BBS7: variants seen among roughly 807,000 people sequenced by gnomAD.
The protein encoded by BBS7 is Bardet-Biedl syndrome 7.
BBS7 carries 50 observed loss-of-function variants against 90.3 expected under a neutral mutation model. The observed-to-expected ratio is 0.55, with a 90% CI of 0.44 to 0.70. BBS7 has a LOEUF of 0.70. Among genes scored for constraint, BBS7 ranks in the 30% least tolerant of loss-of-function variants. The pLI, the probability that BBS7 is intolerant of heterozygous loss-of-function variation, is 0.00. For missense variants in BBS7, 729 were observed against 838.9 expected (o/e 0.87, Z 1.62); for synonymous variants, 235 against 287.4 (o/e 0.82, Z 1.85).
At position 121,861,655 on chromosome 4, in the gene BBS7, GC is replaced by G; in HGVS notation, c.189del (p.Pro64ArgfsTer87). On this transcript the variant is annotated frameshift_variant, in exon 4 of 19. Transcript: ENST00000264499. LOFTEE classifies it high-confidence loss of function. ...CCCAGTTCCAGCCTTGCAATCTTCG[GC>G]CCGGGTAAAGTCTTGAACACTGCCT... ...EAAAVFKTLP[G>X]PKIARLELGG... is the part of the protein sequence containing the mutation. The G allele has an allele frequency of 2.5e-6, 4 of 1,613,334 alleles. No homozygotes were observed. Among genetic ancestry groups the G allele is most frequent in the Non-Finnish European group, 3.4e-6 (4 of 1,179,694 alleles).
At chr4:121,841,975 G>C (rs925978922) in intron 12 of BBS7, among the ~76,000 whole-genome samples, 2 of 151,734 alleles carry the variant, frequency 1.3e-5, no homozygotes, top group African/African-American at 2.4e-5. Context: ...AAACAGGCTG[G>C]GCACAGTGGC....
intron 2 of BBS7, among the ~76,000 whole-genome samples, chr4:121,864,964 A>G (rs1171992520): frequency 6.6e-6 from 1 of 152,180 alleles, no homozygotes; most frequent in East Asian, 1.9e-4. Context: ...TAGTCATCCT[A>G]TAGTGGTATA....
intron 4 of BBS7, among the ~76,000 whole-genome samples, chr4:121,860,908 G>A (rs927287287): frequency 8.6e-5 from 13 of 152,044 alleles, no homozygotes; most frequent in African/African-American, 1.4e-4. Flanking sequence ...ATTTTGATTC[G>A]GCAGGTATGA....
intron 12 of BBS7, among the ~76,000 whole-genome samples, chr4:121,841,323 A>T (rs567557440): frequency 6.6e-6 from 1 of 151,914 alleles, no homozygotes. Flanking sequence ...GGGAGGCTGG[A>T]AGGTGGAAGG....
At chr4:121,835,343 G>C in intron 13 of BBS7, 60 bp from the exon 14 acceptor site, 1 of 1,584,638 alleles carries the variant, frequency 6.3e-7, no homozygotes, top group Non-Finnish European at 8.6e-7. Flanking sequence ...CATATCTTTA[G>C]AATGTTCAAC....
intron 12 of BBS7, among the ~76,000 whole-genome samples, chr4:121,840,656 CAA>C (rs931564764): frequency 7.9e-5 from 12 of 151,920 alleles, no homozygotes; most frequent in African/African-American, 2.2e-4. Context: ...TCATGGATTA[CAA>C]AAAGAGACAC....
intron 18 of BBS7, 42 bp from the exon 19 acceptor site, chr4:121,826,035 T>A (rs746997724): frequency 1.3e-6 from 2 of 1,493,946 alleles, no homozygotes; most frequent in Admixed American, 1.7e-5. Context: ...TGATTAGTTA[T>A]ATTTAATGAC....
chr4:121,858,832 T>A, intron 5 of BBS7, 160 bp downstream of exon 5: 1 of 716,122 alleles, frequency 1.4e-6, no homozygotes, highest in South Asian at 2.1e-5. Flanking sequence ...CACATTTGAC[T>A]CAAGTTAAAA....
intron 1 of BBS7, 83 bp from the exon 2 acceptor site, chr4:121,868,129 T>A: frequency 9.4e-7 from 1 of 1,065,664 alleles, no homozygotes; most frequent in Non-Finnish European, 1.5e-6. Context: ...ACCTTTTTGT[T>A]AAACTGAAAT....
In BBS7 at chr4:121,825,283, A is replaced by T. The variant is rs1166778633; in HGVS notation, c.*577T>A. On this transcript the variant is annotated 3_prime_UTR_variant, in exon 19 of 19. Transcript: ENST00000264499. ...ATCAATCCTATCTCCTAGAAAAAACAATTGGTAGGTTATTTCCACTAGCTG... is the reference window on the plus strand; with the variant it reads ...ATCAATCCTATCTCCTAGAAAAAACTATTGGTAGGTTATTTCCACTAGCTG... The T allele has an allele frequency of 6.6e-6, 1 of 152,294 alleles. No individual in the cohort carries two copies. The highest frequency in any genetic ancestry group is 2.4e-5 in the African/African-American group (1 of 41,454). The allele number at this position is 152,294 out of a possible 1,614,324, so 9.4% of individuals were successfully genotyped here.
chr4:121,844,587 C>T (rs1725911683), intron 11 of BBS7, among the ~76,000 whole-genome samples: 1 of 151,666 alleles, frequency 6.6e-6, no homozygotes, highest in African/African-American at 2.4e-5. Context: ...CCTTTTCTTC[C>T]TCCAATTTGT....
chr4:121,854,603 TCTG>T (rs1726499196), intron 7 of BBS7, 98 bp downstream of exon 7: 14 of 1,141,348 alleles, frequency 1.2e-5, no homozygotes, highest in Non-Finnish European at 1.7e-5. Flanking sequence ...AATTGCTAAG[TCTG>T]CTATGTAGTA....
intron 14 of BBS7, among the ~76,000 whole-genome samples, chr4:121,834,539 A>G (rs1011465246): frequency 3.3e-5 from 5 of 152,144 alleles, no homozygotes; most frequent in Admixed American, 6.5e-5. Context: ...CTAAGCCTCC[A>G]TTTCTCATTT....
intron 12 of BBS7, among the ~76,000 whole-genome samples, chr4:121,840,996 C>A (rs990807993): frequency 6.6e-6 from 1 of 151,992 alleles, no homozygotes; most frequent in Non-Finnish European, 1.5e-5. Context: ...TGCCACCACA[C>A]CCAGCTACTT....
Position 121,845,690 on chromosome 4 carries a change from C to T in BBS7, c.1044G>A (p.Glu348=), listed in dbSNP as rs1725976635. The T allele has an allele frequency of 1.9e-6, 3 of 1,611,946 alleles. No homozygotes were observed. The highest frequency in any genetic ancestry group is 1.3e-5 in the African/African-American group (1 of 74,978). Residue 348 remains glutamate, a synonymous_variant, in exon 11 of 19, where the codon GAG becomes GAA. Transcript: ENST00000264499. ...ATACCTTATACTGCAAATGTTCCAACTCATTCCTGGAGAAAAACACATACA... is the reference window on the plus strand; with the variant it reads ...ATACCTTATACTGCAAATGTTCCAATTCATTCCTGGAGAAAAACACATACA... The part of the protein sequence containing the change: ...MQNKISSLRN[E]LEHLQYKVLQ...
chr4:121,863,344 A>G, intron 2 of BBS7, 65 bp from the exon 3 acceptor site: 1 of 1,334,840 alleles, frequency 7.5e-7, no homozygotes, highest in Non-Finnish European at 1.1e-6. Context: ...AATTATATAC[A>G]GGGAAAGCAA....
intron 8 of BBS7, among the ~76,000 whole-genome samples, chr4:121,850,360 C>A (rs1336033766): frequency 6.6e-6 from 1 of 151,674 alleles, no homozygotes; most frequent in African/African-American, 2.4e-5. Context: ...GAGATGGGGT[C>A]TCCCTCTGTT....
At chr4:121,866,470 G>A (rs1727280055) in intron 2 of BBS7, among the ~76,000 whole-genome samples, 1 of 152,002 alleles carries the variant, frequency 6.6e-6, no homozygotes, top group Non-Finnish European at 1.5e-5. Flanking sequence ...TCACCATGTT[G>A]GCCAGGCTGG....
At chr4:121,851,265 C>T (rs1444025736) in intron 8 of BBS7, among the ~76,000 whole-genome samples, 1 of 151,718 alleles carries the variant, frequency 6.6e-6, no homozygotes, top group African/African-American at 2.4e-5. Flanking sequence ...TTTCTATACC[C>T]TTTTTTGCTA....
Sources: gnomAD v4.1 joint callset for allele counts (sites outside exome capture counted in the v4.1 genomes callset) on GRCh38, gnomAD v4.1.1 for gene constraint, MANE v1.5 for transcripts, NCBI Gene and HGNC (gene_info 2026-07-23, HGNC 2026-07-21) for gene names.